LIN7C: variants seen among roughly 807,000 people sequenced by gnomAD.
The protein encoded by LIN7C is protein lin-7 homolog C.
In LIN7C, 17 loss-of-function variants were observed where a neutral mutation model predicts 24.7. That is an observed-to-expected ratio of 0.69 (90% CI 0.47 to 1.03). The LOEUF is 1.03. LIN7C is among the 50% of genes least tolerant of loss of function. The probability of loss-of-function intolerance (pLI) is 0.00; values close to 1 mark genes in which losing one functional copy is unlikely to be tolerated. For synonymous variants in LIN7C, 90 were observed against 83.4 expected, an observed-to-expected ratio of 1.08 and a Z score of -0.43; for missense variants, 204 against 239.0, an observed-to-expected ratio of 0.85 and a Z score of 0.97.
intron 1 of LIN7C, among the ~76,000 whole-genome samples, chr11:27,505,104 G>A (rs1161418040): frequency 6.6e-6 from 1 of 152,168 alleles, no homozygotes; most frequent in Non-Finnish European, 1.5e-5. Flanking sequence ...AAGCCGAGGC[G>A]GGCGGACTTC....
chr11:27,502,325 C>G (rs191075940), intron 1 of LIN7C, among the ~76,000 whole-genome samples: 2 of 152,150 alleles, frequency 1.3e-5, no homozygotes, highest in Non-Finnish European at 2.9e-5. Flanking sequence ...AAAAATTTAC[C>G]TAATTATTAT....
Position 27,501,184 on chromosome 11 carries a change from T to A in LIN7C, c.228+311A>T, listed in dbSNP as rs554101671. ...TTCTGATTAGATTTTGTATAATGAATATTATATAGTATCATATATATAACA... is the reference window on the plus strand; with the variant it reads ...TTCTGATTAGATTTTGTATAATGAAAATTATATAGTATCATATATATAACA... On this transcript the variant is annotated intron_variant, in intron 3 of 4. Coordinates refer to ENST00000278193, the MANE Select transcript of LIN7C (RefSeq NM_018362.4). Among the ~76,000 whole-genome samples, 46 of 152,272 alleles carry A rather than the reference T, an allele frequency of 3.0e-4. 2 individuals carry two copies. In the South Asian group the frequency reaches 9.5e-3, roughly 32 times the overall value.
In LIN7C at chr11:27,499,570, TGAAA is replaced by T. The variant is rs1565113368; in HGVS notation, c.229-6_229-3del. The T allele has an allele frequency of 3.7e-6, 6 of 1,612,024 alleles. No individual in the cohort carries two copies. The highest frequency in any genetic ancestry group is 5.1e-6 in the Non-Finnish European group (6 of 1,178,986). On this transcript the variant is annotated splice_region_variant and splice_polypyrimidine_tract_variant and intron_variant, in intron 3 of 4. Coordinates refer to ENST00000278193, the MANE Select transcript of LIN7C (RefSeq NM_018362.4). Reference sequence around the variant, plus strand: ...GGCAGCAAATGCAGCAACAGTAGCCTGAAAGAAAGTTTTACATATTAAAAATATG... The same window carrying T: ...GGCAGCAAATGCAGCAACAGTAGCCTGAAAGTTTTACATATTAAAAATATG...
At chr11:27,499,095 A>G (rs1380799824) in intron 4 of LIN7C, among the ~76,000 whole-genome samples, 1 of 152,220 alleles carries the variant, frequency 6.6e-6, no homozygotes, top group East Asian at 1.9e-4. Context: ...ATTTTATAAG[A>G]GTAAAATGAG....
intron 3 of LIN7C, among the ~76,000 whole-genome samples, chr11:27,500,254 C>T (rs539215859): frequency 2.6e-5 from 4 of 152,238 alleles, no homozygotes; most frequent in Non-Finnish European, 4.4e-5. Context: ...AGATCTGGAT[C>T]TCCCAACTCC....
rs1281936125 is a variant in LIN7C, at chr11:27,498,712, G to A, written c.531C>T (p.Val177=). 1.9e-6 allele frequency: 3 copies of A among 1,613,956 alleles called. No individual in the cohort carries two copies. The highest frequency in any genetic ancestry group is 2.2e-5 in the East Asian group (1 of 44,848). ...VKLVVRYTPK[V]LEEMESRFEK... is the part of the protein sequence containing the mutation. ...CAAAGCGCGACTCCATTTCTTCTAA[G>A]ACTTTGGGTGTGTATCGTACCACTA... Residue 177 remains valine, a synonymous_variant, in exon 5 of 5, where the codon GTC becomes GTT. Coordinates refer to ENST00000278193, the MANE Select transcript of LIN7C (RefSeq NM_018362.4).
Position 27,506,745 on chromosome 11 carries a change from G to C in LIN7C, c.8C>G (p.Ala3Gly). The change falls in exon 1 of 5, where the codon GCG (alanine) becomes GGG (glycine). Residue 3 changes from alanine to glycine, a missense_variant. Around this residue, in one of 3 missense-constraint regions of LIN7C, gnomAD observed 126 missense variants for 117.8 expected, o/e 1.07. Coordinates refer to ENST00000278193, the MANE Select transcript of LIN7C (RefSeq NM_018362.4). ...CTCCAGCCGCACGGGTTCCCCTAGC[G>C]CCGCCATCTTCTCCCTTAACCTACA... MA[A>G]LGEPVRLERD... is the part of the protein sequence containing the mutation. The C allele has an allele frequency of 6.2e-7, 1 of 1,614,044 alleles. No individual in the cohort carries two copies. The highest frequency in any genetic ancestry group is 8.5e-7 in the Non-Finnish European group (1 of 1,180,006).
chr11:27,497,498 T>C lies in LIN7C; in HGVS notation c.*1151A>G, dbSNP rs1371613039. On this transcript the variant is annotated 3_prime_UTR_variant, in exon 5 of 5. Transcript: ENST00000278193. ...TGAAATATTTCTCAAATTCCCATAT[T>C]TGAATCATAAACAAAAGTTGCCTCT... 1 of 152,590 alleles carries C rather than the reference T, an allele frequency of 6.6e-6. No individual in the cohort carries two copies. Among genetic ancestry groups the C allele is most frequent in the Non-Finnish European group, 1.5e-5 (1 of 67,960 alleles). The allele number at this position is 152,590 out of a possible 1,614,324, so 9.5% of individuals were successfully genotyped here.
intron 3 of LIN7C, 85 bp downstream of exon 3, chr11:27,501,410 T>C: frequency 1.2e-6 from 1 of 847,176 alleles, no homozygotes; most frequent in Non-Finnish European, 1.9e-6. Flanking sequence ...GTCTTCAAAG[T>C]AAGTTTATTA....
At chr11:27,502,946 T>C (rs895478383) in intron 1 of LIN7C, among the ~76,000 whole-genome samples, 13 of 151,690 alleles carry the variant, frequency 8.6e-5, no homozygotes, top group African/African-American at 3.2e-4. Flanking sequence ...ACCCCAACTC[T>C]ACTAAAAAAA....
At chr11:27,499,962 G>GT (rs1565113489) in intron 3 of LIN7C, among the ~76,000 whole-genome samples, 1 of 152,178 alleles carries the variant, frequency 6.6e-6, no homozygotes, top group Non-Finnish European at 1.5e-5. Flanking sequence ...TTTTGAGCAC[G>GT]TATTTTTGAC....
At chr11:27,504,887 C>A (rs552962495) in intron 1 of LIN7C, among the ~76,000 whole-genome samples, 2 of 152,190 alleles carry the variant, frequency 1.3e-5, no homozygotes, top group South Asian at 4.1e-4. Context: ...AATATGGAAC[C>A]CATGGATATG....
At chr11:27,503,612 C>T (rs1450621520) in intron 1 of LIN7C, among the ~76,000 whole-genome samples, 3 of 152,040 alleles carry the variant, frequency 2.0e-5, no homozygotes, top group African/African-American at 2.4e-5. Flanking sequence ...CTCCCAGGTT[C>T]AAGCAAGTCT....
rs1305741648 is a variant in LIN7C, at chr11:27,495,740, A to AAAAAAAG, written c.*2902_*2908dup. 4 of 151,986 alleles carry AAAAAAAG rather than the reference A, an allele frequency of 2.6e-5. No homozygotes were observed. Among genetic ancestry groups the AAAAAAAG allele is most frequent in the African/African-American group, 9.7e-5 (4 of 41,404 alleles). 9.4% of individuals were successfully genotyped at this position (151,986 alleles called of 1,614,324 possible). On this transcript the variant is annotated 3_prime_UTR_variant, in exon 5 of 5. Transcript: ENST00000278193. ...TTTAAATTACTGGTAGATTTTATTA[A>AAAAAAAG]AAAAAAGAAAAAAGAAAAAAAAAGA...
In LIN7C at chr11:27,495,095, C is replaced by T. The variant is rs180685048; in HGVS notation, c.*3554G>A. 5 of 152,724 alleles carry T rather than the reference C, an allele frequency of 3.3e-5. No homozygotes were observed. The highest frequency in any genetic ancestry group is 6.5e-5 in the Admixed American group (1 of 15,294). 9.5% of individuals were successfully genotyped at this position (152,724 alleles called of 1,614,324 possible). A position where few individuals can be genotyped will look rare whatever the true frequency, so the allele number is the denominator to read the frequency against. On this transcript the variant is annotated 3_prime_UTR_variant, in exon 5 of 5. Coordinates refer to ENST00000278193, the MANE Select transcript of LIN7C (RefSeq NM_018362.4). Reference sequence around the variant, plus strand: ...ATCCATTTTAATTGTAAACAAAGTACTTGAGCCAGACTACTTAAGTACTTG... The same window carrying T: ...ATCCATTTTAATTGTAAACAAAGTATTTGAGCCAGACTACTTAAGTACTTG...
intron 1 of LIN7C, among the ~76,000 whole-genome samples, chr11:27,504,069 C>T (rs557465156): frequency 7.9e-5 from 12 of 152,280 alleles, no homozygotes; most frequent in East Asian, 7.7e-4. Context: ...CTGCTTGCCT[C>T]GGCCTCCCAA....
In LIN7C at chr11:27,500,976, G is replaced by A. The variant is rs537795187; in HGVS notation, c.228+519C>T. ...GTTCAAACCCCCTATCATGAATAGTGAGGTCAATACCTAAATTATTTGAGG... is the reference window on the plus strand; with the variant it reads ...GTTCAAACCCCCTATCATGAATAGTAAGGTCAATACCTAAATTATTTGAGG... On this transcript the variant is annotated intron_variant, in intron 3 of 4. Coordinates refer to ENST00000278193, the MANE Select transcript of LIN7C (RefSeq NM_018362.4). 3.9e-5 allele frequency among the ~76,000 whole-genome samples: 6 copies of A among 152,254 alleles called. No homozygotes were observed. The South Asian group carries it at 1.2e-3, about 32-fold the overall frequency.
chr11:27,498,574 T>G lies in LIN7C; in HGVS notation c.*75A>C. 1.5e-6 allele frequency: 2 copies of G among 1,320,634 alleles called. No individual in the cohort carries two copies. The highest frequency in any genetic ancestry group is 2.1e-6 in the Non-Finnish European group (2 of 937,002). The allele number at this position is 1,320,634 out of a possible 1,614,324, so 81.8% of individuals were successfully genotyped here. A position where few individuals can be genotyped will look rare whatever the true frequency, so the allele number is the denominator to read the frequency against. ...GTTTGTTTTCTTACAATCATTGGCATTGCAGCCATTAGTAAGTCACAAGGA... is the reference window on the plus strand; with the variant it reads ...GTTTGTTTTCTTACAATCATTGGCAGTGCAGCCATTAGTAAGTCACAAGGA... On this transcript the variant is annotated 3_prime_UTR_variant, in exon 5 of 5. Coordinates refer to ENST00000278193, the MANE Select transcript of LIN7C (RefSeq NM_018362.4).
rs372867876 is a variant in LIN7C, at chr11:27,496,174, T to C, written c.*2475A>G. ...AGCTTTACAAAAAAAAAAAAAAGGG[T>C]GATTTTGATTTAGTTGTTATGGAAT... is the stretch of plus-strand genomic sequence containing the variant. On this transcript the variant is annotated 3_prime_UTR_variant, in exon 5 of 5. Transcript: ENST00000278193. The C allele has an allele frequency of 7.0e-6, 1 of 143,272 alleles. No homozygotes were observed. The highest frequency in any genetic ancestry group is 2.6e-5 in the African/African-American group (1 of 39,044). The allele number at this position is 143,272 out of a possible 1,614,324, so 8.9% of individuals were successfully genotyped here. A position where few individuals can be genotyped will look rare whatever the true frequency, so the allele number is the denominator to read the frequency against.
Sources: allele counts gnomAD v4.1 joint callset (sites outside exome capture counted in the v4.1 genomes callset), GRCh38; gene constraint gnomAD v4.1.1; regional missense constraint gnomAD v4.1.1; transcripts MANE v1.5; gene names NCBI Gene and HGNC (gene_info 2026-07-23, HGNC 2026-07-21).